Variants in PPARG observed in about 807,000 individuals in gnomAD.
PPARG encodes peroxisome proliferator-activated receptor gamma.
In PPARG, 17 loss-of-function variants were observed where a neutral mutation model predicts 39.2. The ratio of observed to expected loss-of-function variants is 0.43; its 90% CI spans 0.30 to 0.65. The LOEUF is 0.65. Among genes scored for constraint, PPARG ranks in the 30% least tolerant of loss-of-function variants. The probability of loss-of-function intolerance (pLI) is 0.13; values close to 1 mark genes in which losing one functional copy is unlikely to be tolerated. For synonymous variants in PPARG, 223 were observed against 215.7 expected (o/e 1.03, Z -0.30); for missense variants, 406 against 585.9 (o/e 0.69, Z 3.17).
At chr3:12,323,203 A>G (rs1320425917) in intron 2 of PPARG, among the ~76,000 whole-genome samples, 1 of 152,188 alleles carries the variant, frequency 6.6e-6, no homozygotes, top group African/African-American at 2.4e-5. Context: ...ATAAATAGAG[A>G]AATGGAGGTA....
chr3:12,381,712 T>G (rs567927891), intron 4 of PPARG, among the ~76,000 whole-genome samples: 1 of 148,600 alleles, frequency 6.7e-6, no homozygotes, highest in Admixed American at 6.7e-5. Flanking sequence ...CAAAGGATGA[T>G]ATAAGATTTG....
At chr3:12,377,620 AC>A (rs1385254011) in intron 2 of PPARG, among the ~76,000 whole-genome samples, 1 of 152,210 alleles carries the variant, frequency 6.6e-6, no homozygotes, top group Admixed American at 6.5e-5. Context: ...CTTTTCTATT[AC>A]ACAAAAGCAT....
At chr3:12,289,336 G>A (rs2046590963) in intron 1 of PPARG, among the ~76,000 whole-genome samples, 5 of 152,058 alleles carry the variant, frequency 3.3e-5, no homozygotes, top group Admixed American at 2.0e-4. Flanking sequence ...AAAAATAGTC[G>A]TCTGCCATGA....
In PPARG at chr3:12,368,251, G is replaced by A. The variant is rs1249423123; in HGVS notation, c.-8-11453G>A. Among the ~76,000 whole-genome samples, 3 of 144,366 alleles carry A rather than the reference G, an allele frequency of 2.1e-5. No individual in the cohort carries two copies. In the Admixed American group the frequency reaches 2.2e-4, roughly 11 times the overall value. 94.7% of individuals were successfully genotyped at this position (144,366 alleles called of 152,430 possible). ...GGCTGGAGTGCACTGGCATGAACTCGGCTCACTGCAACCTCCATCTCCCGA... is the reference window on the plus strand; with the variant it reads ...GGCTGGAGTGCACTGGCATGAACTCAGCTCACTGCAACCTCCATCTCCCGA... On this transcript the variant is annotated intron_variant, in intron 2 of 7. Coordinates refer to ENST00000651735, the MANE Select transcript of PPARG (RefSeq NM_138711.6).
intron 4 of PPARG, among the ~76,000 whole-genome samples, chr3:12,388,389 C>T (rs2049955843): frequency 6.6e-6 from 1 of 152,156 alleles, no homozygotes; most frequent in African/African-American, 2.4e-5. Flanking sequence ...GGGTTTTCCC[C>T]ATGATAGATG....
chr3:12,360,160 CTT>C (rs372001448), intron 2 of PPARG, among the ~76,000 whole-genome samples: 7 of 152,138 alleles, frequency 4.6e-5, no homozygotes, highest in African/African-American at 1.7e-4. Flanking sequence ...CAGTTTTTCT[CTT>C]CTTTCTTTTT....
At chr3:12,368,526 A>G (rs1335806831) in intron 2 of PPARG, among the ~76,000 whole-genome samples, 1 of 152,154 alleles carries the variant, frequency 6.6e-6, no homozygotes, top group African/African-American at 2.4e-5. Context: ...AAAAGATTCT[A>G]TATTCAGAGA....
intron 2 of PPARG, among the ~76,000 whole-genome samples, chr3:12,330,628 A>G (rs905166103): frequency 3.9e-5 from 6 of 152,192 alleles, no homozygotes; most frequent in Non-Finnish European, 8.8e-5. Flanking sequence ...ATTAAGGTCA[A>G]ATGCTTTTTG....
chr3:12,367,526 T>A (rs146551873), intron 2 of PPARG, among the ~76,000 whole-genome samples: 2 of 152,136 alleles, frequency 1.3e-5, no homozygotes, highest in African/African-American at 4.8e-5. Flanking sequence ...AGACAAGATG[T>A]GGCTCATGCA....
At chr3:12,393,190 A>ATT (rs143287325) in intron 5 of PPARG, among the ~76,000 whole-genome samples, 32 of 111,474 alleles carry the variant, frequency 2.9e-4, no homozygotes, top group African/African-American at 7.6e-4. Context: ...GATTCATTTA[A>ATT]TTTTTTTTTT....
intron 5 of PPARG, among the ~76,000 whole-genome samples, chr3:12,400,498 A>G (rs1400908067): frequency 6.6e-6 from 1 of 152,212 alleles, no homozygotes; most frequent in Non-Finnish European, 1.5e-5. Flanking sequence ...CCCAGAAGTT[A>G]ATGAGTCTCT....
Position 12,396,875 on chromosome 3 carries a change from A to G in PPARG, c.529+4123A>G, listed in dbSNP as rs1346145674. On this transcript the variant is annotated intron_variant, in intron 5 of 7. Transcript: ENST00000651735. The stretch of plus-strand genomic sequence containing the variant: ...TAGGCTAAGTGCCCTTTTTATTTTT[A>G]AAATTTTCTGTATTTATTATTACTA... Among the ~76,000 whole-genome samples, 2 of 151,722 alleles carry G rather than the reference A, an allele frequency of 1.3e-5. 1 individual carries two copies. The highest frequency in any genetic ancestry group is 4.1e-4 in the South Asian group (2 of 4,830).
chr3:12,311,617 C>G (rs2047246449), intron 1 of PPARG, among the ~76,000 whole-genome samples: 1 of 152,066 alleles, frequency 6.6e-6, no homozygotes, highest in Non-Finnish European at 1.5e-5. Context: ...GTAGGTAAGA[C>G]TGTGTAGAAT....
chr3:12,400,252 G>T (rs1174385615), intron 5 of PPARG, among the ~76,000 whole-genome samples: 1 of 152,138 alleles, frequency 6.6e-6, no homozygotes, highest in Non-Finnish European at 1.5e-5. Flanking sequence ...TAATTAAGTA[G>T]CATTTGTCTT....
chr3:12,299,036 G>A (rs1354150031), intron 1 of PPARG, among the ~76,000 whole-genome samples: 1 of 151,964 alleles, frequency 6.6e-6, no homozygotes, highest in African/African-American at 2.4e-5. Flanking sequence ...GGGGTTCGCC[G>A]TATTGCCAGG....
At position 12,381,484 on chromosome 3, in the gene PPARG, G is replaced by A. The variant is rs767853271; in HGVS notation, c.383G>A (p.Gly128Glu). 6.2e-7 allele frequency: 1 copy of A among 1,613,166 alleles called. No individual in the cohort carries two copies. Among genetic ancestry groups the A allele is most frequent in the Non-Finnish European group, 8.5e-7 (1 of 1,179,596 alleles). Reference protein sequence around the residue: ...GFHYGVHACEGCKGFFRRTIR... With the variant: ...GFHYGVHACEECKGFFRRTIR... ...CACTATGGAGTTCATGCTTGTGAAG[G>A]ATGCAAGGTAATTAAAAAAAAAGTC... Residue 128 changes from glycine (G) to glutamate (E), a missense_variant, in exon 4 of 8, where the codon GGA becomes GAA. Gly to Glu is a moderately conservative substitution (Grantham distance 98, BLOSUM62 -2). This residue lies in a region of PPARG where 275 missense variants were observed against 458.0 expected (regional missense o/e 0.60). Transcript: ENST00000651735.
At chr3:12,361,126 A>T (rs1438909819) in intron 2 of PPARG, among the ~76,000 whole-genome samples, 1 of 152,144 alleles carries the variant, frequency 6.6e-6, no homozygotes, top group Non-Finnish European at 1.5e-5. Context: ...ATCATATTCT[A>T]ATTTTAATCT....
intron 2 of PPARG, among the ~76,000 whole-genome samples, chr3:12,356,847 GC>G (rs1258378290): frequency 6.6e-6 from 1 of 152,050 alleles, no homozygotes; most frequent in African/African-American, 2.4e-5. Context: ...ACCCACCCTT[GC>G]TCCAAGCCTA....
chr3:12,300,992 G>A, intron 1 of PPARG, among the ~76,000 whole-genome samples: 1 of 152,128 alleles, frequency 6.6e-6, no homozygotes, highest in Admixed American at 6.5e-5. Context: ...CAATCTTAGG[G>A]AATTTCCTAA....
Sources: gnomAD v4.1 joint callset for allele counts (sites outside exome capture counted in the v4.1 genomes callset) on GRCh38, gnomAD v4.1.1 for gene constraint, gnomAD v4.1.1 regional missense constraint, MANE v1.5 for transcripts, NCBI Gene and HGNC (gene_info 2026-07-23, HGNC 2026-07-21) for gene names.